The following CSMD3 variants were observed in gnomAD, a reference collection of about 807,000 sequenced individuals.
CSMD3 encodes CUB and sushi domain-containing protein 3.
In CSMD3, 177 loss-of-function variants were observed where a neutral mutation model predicts 435.2. That is an observed-to-expected ratio of 0.41 (90% CI 0.36 to 0.46). The LOEUF is 0.46. CSMD3 is among the 20% of genes least tolerant of loss of function. The pLI is 0.34. For missense variants in CSMD3, 4,265 were observed against 4,504.6 expected, an observed-to-expected ratio of 0.95 and a Z score of 1.52; for synonymous variants, 1,656 against 1,520.5, an observed-to-expected ratio of 1.09 and a Z score of -2.07.
chr8:113,394,544 GC>G (rs1333483899), intron 1 of CSMD3, among the ~76,000 whole-genome samples: 1 of 151,992 alleles, frequency 6.6e-6, no homozygotes, highest in East Asian at 1.9e-4. Context: ...AAATTCTAGT[GC>G]TATATTTCTA....
intron 7 of CSMD3, among the ~76,000 whole-genome samples, chr8:112,960,583 A>C (rs534974835): frequency 2.3e-4 from 35 of 151,918 alleles, no homozygotes; most frequent in Non-Finnish European, 4.7e-4. Context: ...TCATTTCAAA[A>C]TATGTTTAAA....
intron 2 of CSMD3, among the ~76,000 whole-genome samples, chr8:113,285,928 C>G (rs921261255): frequency 6.6e-6 from 1 of 151,968 alleles, no homozygotes; most frequent in Admixed American, 6.5e-5. Flanking sequence ...TACATTTCAA[C>G]TGTTATTTGG....
chr8:112,929,449 A>G (rs187201390), intron 9 of CSMD3, among the ~76,000 whole-genome samples: 1 of 152,192 alleles, frequency 6.6e-6, no homozygotes, highest in Admixed American at 6.5e-5. Flanking sequence ...TGAGAGCTGA[A>G]GATTTTATTT....
chr8:112,802,085 CTGGTGTAAGGG>C (rs1367672292), intron 12 of CSMD3, among the ~76,000 whole-genome samples: 1 of 151,772 alleles, frequency 6.6e-6, no homozygotes, highest in Non-Finnish European at 1.5e-5. Flanking sequence ...CAACTCATTG[CTGGTGTAAGGG>C]TATATGTCAT....
At position 112,698,344 on chromosome 8, in the gene CSMD3, A is replaced by T. The variant is rs182381700; in HGVS notation, c.1973-8294T>A. Among the ~76,000 whole-genome samples, 30 of 152,264 alleles carry T rather than the reference A, an allele frequency of 2.0e-4. No homozygotes were observed. The East Asian group carries it at 3.5e-3, about 18-fold the overall frequency. On this transcript the variant is annotated intron_variant, in intron 13 of 70. Transcript: ENST00000297405. ...GATATAAATGGGTGGATATACATAC[A>T]TATGTCATGCATACACACATATGTA...
intron 2 of CSMD3, among the ~76,000 whole-genome samples, chr8:113,301,073 A>G (rs1457479058): frequency 6.7e-6 from 1 of 148,420 alleles, no homozygotes; most frequent in Non-Finnish European, 1.5e-5. Flanking sequence ...TGTATGATTC[A>G]TACATGTTCA....
intron 22 of CSMD3, among the ~76,000 whole-genome samples, chr8:112,635,057 C>CTAAA (rs768482702): frequency 0.014 from 2,153 of 152,148 alleles, 28 homozygotes; most frequent in Non-Finnish European, 0.022. Context: ...AAGAACCTAG[C>CTAAA]AGGTCCTTAT....
At chr8:112,940,149 T>C (rs2083407615) in intron 9 of CSMD3, among the ~76,000 whole-genome samples, 1 of 151,956 alleles carries the variant, frequency 6.6e-6, no homozygotes, top group Non-Finnish European at 1.5e-5. Context: ...ATTTACATTA[T>C]GATAATAAAC....
intron 3 of CSMD3, among the ~76,000 whole-genome samples, chr8:113,215,210 T>C (rs1318985290): frequency 1.3e-5 from 2 of 151,934 alleles, no homozygotes; most frequent in East Asian, 1.9e-4. Context: ...CCTTTTGAGC[T>C]TTGAGGCAGA....
At chr8:112,829,908 C>G in intron 11 of CSMD3, 119 bp from the exon 12 acceptor site, 3 of 642,576 alleles carry the variant, frequency 4.7e-6, no homozygotes. Context: ...CACACACACA[C>G]ACACACACAC....
intron 22 of CSMD3, among the ~76,000 whole-genome samples, chr8:112,606,473 C>T (rs568394236): frequency 5.3e-5 from 8 of 152,256 alleles, no homozygotes; most frequent in Admixed American, 3.3e-4. Flanking sequence ...TGCTTTGCCT[C>T]CAGAACCCCA....
intron 28 of CSMD3, among the ~76,000 whole-genome samples, chr8:112,515,990 T>A (rs1823633876): frequency 6.6e-6 from 1 of 152,098 alleles, no homozygotes; most frequent in Non-Finnish European, 1.5e-5. Flanking sequence ...TTTTGTAATT[T>A]TGTGTGGGAG....
At chr8:112,808,752 C>T (rs2079152070) in intron 12 of CSMD3, among the ~76,000 whole-genome samples, 1 of 151,992 alleles carries the variant, frequency 6.6e-6, no homozygotes, top group Non-Finnish European at 1.5e-5. Flanking sequence ...CTCCCCCTCC[C>T]CTTTCTAAAC....
intron 3 of CSMD3, among the ~76,000 whole-genome samples, chr8:113,251,965 T>C (rs544806526): frequency 6.6e-6 from 1 of 152,120 alleles, no homozygotes; most frequent in Non-Finnish European, 1.5e-5. Context: ...CAGATAAAAT[T>C]TGATGTCTAA....
At chr8:112,892,618 C>T (rs2081831441) in intron 10 of CSMD3, among the ~76,000 whole-genome samples, 1 of 151,500 alleles carries the variant, frequency 6.6e-6, no homozygotes. Context: ...ACTGCCAGCA[C>T]TTTTGTACTT....
intron 1 of CSMD3, among the ~76,000 whole-genome samples, chr8:113,316,638 C>G (rs1192585711): frequency 1.3e-5 from 2 of 151,916 alleles, no homozygotes; most frequent in African/African-American, 2.4e-5. Context: ...CAACCTCCCC[C>G]TCCTGGGTTC....
chr8:113,074,517 A>G (rs140856730), intron 5 of CSMD3, among the ~76,000 whole-genome samples: 63 of 152,004 alleles, frequency 4.1e-4, no homozygotes, highest in African/African-American at 1.4e-3. Flanking sequence ...CTAGGAAATT[A>G]GAATGTAAAT....
At chr8:112,572,732 T>C (rs913586182) in intron 24 of CSMD3, among the ~76,000 whole-genome samples, 1 of 152,210 alleles carries the variant, frequency 6.6e-6, no homozygotes, top group East Asian at 1.9e-4. Context: ...ATTTATCAAA[T>C]ACATAGGAAG....
chr8:113,189,251 A>G (rs774326208), intron 3 of CSMD3, among the ~76,000 whole-genome samples: 18 of 151,834 alleles, frequency 1.2e-4, no homozygotes, highest in Non-Finnish European at 2.2e-4. Flanking sequence ...TTGCTTCACC[A>G]AAGCTATAAA....
Sources: gnomAD v4.1 joint callset for allele counts (sites outside exome capture counted in the v4.1 genomes callset) on GRCh38, gnomAD v4.1.1 for gene constraint, MANE v1.5 for transcripts, NCBI Gene and HGNC (gene_info 2026-07-23, HGNC 2026-07-21) for gene names.